The following TBC1D22A variants were observed in gnomAD, a reference collection of about 807,000 sequenced individuals.
The protein encoded by TBC1D22A is TBC1 domain family member 22A.
Under a neutral mutation model 60.2 loss-of-function variants are expected in TBC1D22A, and 38 were observed. The observed-to-expected ratio is 0.63, with a 90% CI of 0.49 to 0.83. TBC1D22A has a LOEUF of 0.83. Ranked by LOEUF, TBC1D22A falls within the 40% of genes least tolerant of loss-of-function variation. TBC1D22A has a pLI of 0.00. For missense variants in TBC1D22A, 628 were observed against 701.0 expected, an observed-to-expected ratio of 0.90 and a Z score of 1.18; for synonymous variants, 302 against 281.7, an observed-to-expected ratio of 1.07 and a Z score of -0.72.
At chr22:46,857,223 A>G (rs1376511122) in intron 4 of TBC1D22A, among the ~76,000 whole-genome samples, 1 of 152,236 alleles carries the variant, frequency 6.6e-6, no homozygotes, top group Non-Finnish European at 1.5e-5. Context: ...TTGTTAGCGT[A>G]ACCAGGCCTG....
intron 11 of TBC1D22A, among the ~76,000 whole-genome samples, chr22:47,075,892 A>G (rs186042959): frequency 1.8e-4 from 28 of 152,304 alleles, no homozygotes; most frequent in African/African-American, 3.6e-4. Flanking sequence ...GAAAGTTGCA[A>G]TAGCTACACT....
chr22:46,982,467 C>T (rs1378536272), intron 9 of TBC1D22A, among the ~76,000 whole-genome samples: 1 of 149,860 alleles, frequency 6.7e-6, no homozygotes, highest in Non-Finnish European at 1.5e-5. Flanking sequence ...CATGATCCAC[C>T]CGCCTCGGCC....
intron 8 of TBC1D22A, among the ~76,000 whole-genome samples, chr22:46,960,622 C>G (rs997435407): frequency 2.6e-5 from 4 of 152,162 alleles, no homozygotes; most frequent in Non-Finnish European, 4.4e-5. Context: ...CTGCCACTAC[C>G]ACACAGGCAT....
chr22:47,125,780 G>A (rs1446511525), intron 12 of TBC1D22A, among the ~76,000 whole-genome samples: 1 of 152,114 alleles, frequency 6.6e-6, no homozygotes, highest in African/African-American at 2.4e-5. Context: ...GCCCCCTACC[G>A]GCTGCTGTGG....
At chr22:46,948,626 GA>G (rs1174838529) in intron 8 of TBC1D22A, among the ~76,000 whole-genome samples, 2 of 152,228 alleles carry the variant, frequency 1.3e-5, no homozygotes. Context: ...CTTGGTTTGG[GA>G]AATCTTTGAT....
intron 4 of TBC1D22A, among the ~76,000 whole-genome samples, chr22:46,872,181 C>T (rs972005664): frequency 2.6e-5 from 4 of 152,112 alleles, no homozygotes; most frequent in Admixed American, 1.3e-4. Flanking sequence ...AGGAAAACAT[C>T]AGGACCAGAT....
chr22:46,864,136 A>T (rs1268171840), intron 4 of TBC1D22A, among the ~76,000 whole-genome samples: 5 of 152,248 alleles, frequency 3.3e-5, no homozygotes, highest in African/African-American at 1.2e-4. Context: ...GCCTGAAATT[A>T]CACATACACA....
intron 9 of TBC1D22A, among the ~76,000 whole-genome samples, chr22:46,993,779 C>T (rs955726943): frequency 3.3e-5 from 5 of 152,244 alleles, no homozygotes; most frequent in African/African-American, 1.2e-4. Context: ...TCCTCAGCCA[C>T]CTGGCTCTGG....
At chr22:47,063,935 C>A (rs986343559) in intron 11 of TBC1D22A, among the ~76,000 whole-genome samples, 1 of 149,908 alleles carries the variant, frequency 6.7e-6, no homozygotes, top group Admixed American at 6.7e-5. Flanking sequence ...GATCAGGGCC[C>A]CCCTACTCCA....
intron 1 of TBC1D22A, chr22:46,774,341 T>G (rs2083610213): frequency 4.9e-6 from 4 of 823,790 alleles, no homozygotes; most frequent in Non-Finnish European, 1.5e-6. Context: ...TTCCCATTTC[T>G]GGGCCCCGTG....
intron 12 of TBC1D22A, among the ~76,000 whole-genome samples, chr22:47,134,082 C>T (rs1473208509): frequency 2.6e-5 from 4 of 152,200 alleles, no homozygotes; most frequent in South Asian, 2.1e-4. Context: ...GGGCAGAGGG[C>T]AGGGGACTTT....
chr22:46,776,084 G>A (rs1314623369), intron 1 of TBC1D22A, among the ~76,000 whole-genome samples: 1 of 152,246 alleles, frequency 6.6e-6, no homozygotes, highest in Non-Finnish European at 1.5e-5. Flanking sequence ...AGCGGGCCAC[G>A]GAGGGGCCAG....
intron 6 of TBC1D22A, among the ~76,000 whole-genome samples, chr22:46,892,818 G>A (rs529334938): frequency 2.6e-5 from 4 of 152,278 alleles, no homozygotes; most frequent in Non-Finnish European, 5.9e-5. Flanking sequence ...TCTTTATTTA[G>A]TTACTGTGAT....
chr22:46,979,408 C>G lies in TBC1D22A; in HGVS notation c.1125+5009C>G, dbSNP rs186686959. The stretch of plus-strand genomic sequence containing the variant: ...CTTCCAGAGACCCGCGTTTGAATAA[C>G]TGATTTGTCTGCTAGTCCTTCTTTC... On this transcript the variant is annotated intron_variant, in intron 9 of 12. Coordinates refer to ENST00000337137, the MANE Select transcript of TBC1D22A (RefSeq NM_014346.5). 8.5e-5 allele frequency among the ~76,000 whole-genome samples: 13 copies of G among 152,318 alleles called. 1 individual carries two copies. The East Asian group carries it at 9.6e-4, about 11-fold the overall frequency.
At chr22:46,920,433 T>G (rs938701712) in intron 8 of TBC1D22A, among the ~76,000 whole-genome samples, 2 of 152,204 alleles carry the variant, frequency 1.3e-5, no homozygotes, top group African/African-American at 4.8e-5. Context: ...CTATGACAAT[T>G]ATACCTTAAC....
intron 4 of TBC1D22A, among the ~76,000 whole-genome samples, chr22:46,846,215 G>C (rs1345466515): frequency 6.6e-6 from 1 of 152,188 alleles, no homozygotes; most frequent in African/African-American, 2.4e-5. Context: ...CCATGATGTG[G>C]TTTTAAATAA....
intron 8 of TBC1D22A, among the ~76,000 whole-genome samples, chr22:46,938,637 G>A (rs1384197243): frequency 6.7e-6 from 1 of 149,524 alleles, no homozygotes; most frequent in East Asian, 2.0e-4. Flanking sequence ...CCAGGCTGGA[G>A]TGCAGTGGCA....
chr22:47,035,685 G>C (rs1225556355), intron 10 of TBC1D22A, among the ~76,000 whole-genome samples: 1 of 152,110 alleles, frequency 6.6e-6, no homozygotes, highest in Non-Finnish European at 1.5e-5. Context: ...ACCAGCTCCC[G>C]CCACAGCAGG....
At chr22:46,929,812 C>T (rs574482701) in intron 8 of TBC1D22A, among the ~76,000 whole-genome samples, 5 of 152,276 alleles carry the variant, frequency 3.3e-5, no homozygotes, top group Admixed American at 6.5e-5. Flanking sequence ...CTGCAGGCCT[C>T]GTGCTTAGAG....
Sources: allele counts gnomAD v4.1 joint callset (sites outside exome capture counted in the v4.1 genomes callset), GRCh38; gene constraint gnomAD v4.1.1; transcripts MANE v1.5; gene names NCBI Gene and HGNC (gene_info 2026-07-23, HGNC 2026-07-21).